Variants in CAMKV observed in about 807,000 individuals in gnomAD.
The protein encoded by CAMKV is caM kinase-like vesicle-associated protein.
In CAMKV, 5 loss-of-function variants were observed where a neutral mutation model predicts 50.2. The observed-to-expected ratio is 0.10, with a 90% CI of 0.05 to 0.21. The LOEUF (loss-of-function observed/expected upper bound fraction) is 0.21. CAMKV is among the 10% of genes least tolerant of loss of function. The pLI is 1.00. For synonymous variants in CAMKV, 229 were observed against 250.1 expected (o/e 0.92, Z 0.80); for missense variants, 361 against 650.5 (o/e 0.55, Z 4.84).
chr3:49,867,047 G>A (rs537771200), intron 1 of CAMKV, among the ~76,000 whole-genome samples: 1 of 152,328 alleles, frequency 6.6e-6, no homozygotes, highest in East Asian at 1.9e-4. Context: ...CTAATTTAGT[G>A]GCAGCTGTGA....
In CAMKV at chr3:49,859,135, C is replaced by G; in HGVS notation, c.*183G>C. ...GGCCCTGCCACTGGCCTGCCCACCA[C>G]TCACACACATACACACAGGAGACGA... On this transcript the variant is annotated 3_prime_UTR_variant, in exon 11 of 11. Transcript: ENST00000477224. The surrounding 1 kb of genome is among the most constrained non-coding windows in gnomAD (Gnocchi z 5.5). 1.9e-6 allele frequency: 1 copy of G among 528,458 alleles called. No homozygotes were observed. Among genetic ancestry groups the G allele is most frequent in the Non-Finnish European group, 3.2e-6 (1 of 310,136 alleles). 32.7% of individuals were successfully genotyped at this position (528,458 alleles called of 1,614,324 possible). A position where few individuals can be genotyped will look rare whatever the true frequency, so the allele number is the denominator to read the frequency against.
chr3:49,864,096 A>AT (rs201176692), intron 1 of CAMKV, among the ~76,000 whole-genome samples: 3,124 of 152,262 alleles, frequency 0.021, 68 homozygotes, highest in Middle Eastern at 0.1. Flanking sequence ...TTGTTTACTA[A>AT]TTTTCTGTGC....
Position 49,859,154 on chromosome 3 carries a change from G to C in CAMKV, c.*164C>G. On this transcript the variant is annotated 3_prime_UTR_variant, in exon 11 of 11. Transcript: ENST00000477224. This position sits in a 1 kb window ranked among gnomAD's most constrained non-coding sequence, Gnocchi z 5.5. ...CCACCACTCACACACATACACACAG[G>C]AGACGAGACTGCTCTCCCGTGACCC... The C allele has an allele frequency of 1.6e-6, 1 of 616,234 alleles. No homozygotes were observed. Among genetic ancestry groups the C allele is most frequent in the South Asian group, 2.4e-5 (1 of 41,598 alleles). The allele number at this position is 616,234 out of a possible 1,614,324, so 38.2% of individuals were successfully genotyped here.
rs1227447718 is a variant in CAMKV, at chr3:49,869,301, A to T, written c.-15+457T>A. 6.7e-6 allele frequency among the ~76,000 whole-genome samples: 1 copy of T among 150,138 alleles called. No homozygotes were observed. The highest frequency in any genetic ancestry group is 1.5e-5 in the Non-Finnish European group (1 of 67,498). ...CCAGGGGCTTGGAGCTTCCTCCCCCACCCCGCGGCAGCCCCGCCCAGCCCC... is the reference window on the plus strand; with the variant it reads ...CCAGGGGCTTGGAGCTTCCTCCCCCTCCCCGCGGCAGCCCCGCCCAGCCCC... On this transcript the variant is annotated intron_variant, in intron 1 of 10. Transcript: ENST00000477224. The surrounding 1 kb of genome is among the most constrained non-coding windows in gnomAD (Gnocchi z 5.2).
In CAMKV at chr3:49,859,987, C is replaced by T; in HGVS notation, c.943-106G>A. On this transcript the variant is annotated intron_variant, in intron 10 of 10. Coordinates refer to ENST00000477224, the MANE Select transcript of CAMKV (RefSeq NM_024046.5). The surrounding 1 kb of genome is among the most constrained non-coding windows in gnomAD (Gnocchi z 5.5). ...CCATAGTACCCCCGGCCACCTCCAT[C>T]CACCCCAGGGCCAAGTACTCAGCTG... is the stretch of plus-strand genomic sequence containing the variant. 3.4e-6 allele frequency: 4 copies of T among 1,174,702 alleles called. No homozygotes were observed. Among genetic ancestry groups the T allele is most frequent in the Non-Finnish European group, 4.7e-6 (4 of 850,736 alleles). 72.8% of individuals were successfully genotyped at this position (1,174,702 alleles called of 1,614,324 possible).
At position 49,858,681 on chromosome 3, in the gene CAMKV, G is replaced by A. The variant is rs1330998323; in HGVS notation, c.*637C>T. 1 of 254,142 alleles carries A rather than the reference G, an allele frequency of 3.9e-6. No homozygotes were observed. The highest frequency in any genetic ancestry group is 7.4e-6 in the Non-Finnish European group (1 of 134,790). The allele number at this position is 254,142 out of a possible 1,614,324, so 15.7% of individuals were successfully genotyped here. On this transcript the variant is annotated 3_prime_UTR_variant, in exon 11 of 11. Transcript: ENST00000477224. Reference sequence around the variant, plus strand: ...GGTCTTAGGAAGGACAAAAATGGAAGCTTCTGCCCTCCTACTCATTCTCTC... The same window carrying A: ...GGTCTTAGGAAGGACAAAAATGGAAACTTCTGCCCTCCTACTCATTCTCTC...
Position 49,860,456 on chromosome 3 carries a change from C to T in CAMKV, c.854+15G>A, listed in dbSNP as rs774315831. 9.3e-6 allele frequency: 15 copies of T among 1,612,378 alleles called. No individual in the cohort carries two copies. The Admixed American group carries it at 2.3e-4, about 25-fold the overall frequency. On this transcript the variant is annotated intron_variant, in intron 9 of 10. Coordinates refer to ENST00000477224, the MANE Select transcript of CAMKV (RefSeq NM_024046.5). This position sits in a 1 kb window ranked among gnomAD's most constrained non-coding sequence, Gnocchi z 6.1. Reference sequence around the variant, plus strand: ...GGACCCTGGCCTCTCCCACCCTCCCCTGGACCCTGCTCACCACTCATGGGA... The same window carrying T: ...GGACCCTGGCCTCTCCCACCCTCCCTTGGACCCTGCTCACCACTCATGGGA...
At chr3:49,864,416 C>G (rs766222475) in intron 1 of CAMKV, among the ~76,000 whole-genome samples, 5 of 152,186 alleles carry the variant, frequency 3.3e-5, no homozygotes, top group Non-Finnish European at 7.3e-5. Flanking sequence ...ACAGATATAG[C>G]TGGCTCAGTG....
In CAMKV at chr3:49,862,516, T is replaced by A; in HGVS notation, c.-14-114A>T. 1.2e-6 allele frequency: 1 copy of A among 841,526 alleles called. No individual in the cohort carries two copies. The highest frequency in any genetic ancestry group is 2.0e-6 in the Non-Finnish European group (1 of 503,552). 52.1% of individuals were successfully genotyped at this position (841,526 alleles called of 1,614,324 possible). ...CAGGCCAAGCTAGGGGCAGAGACCA[T>A]ACCAGGAGGGGCTAGAGGATAGGCA... On this transcript the variant is annotated intron_variant, in intron 1 of 10. Transcript: ENST00000477224. This position sits in a 1 kb window ranked among gnomAD's most constrained non-coding sequence, Gnocchi z 5.2.
Position 49,861,202 on chromosome 3 carries a change from G to A in CAMKV, c.540C>T (p.Pro180=). 1 of 1,612,668 alleles carries A rather than the reference G, an allele frequency of 6.2e-7. No individual in the cohort carries two copies. The highest frequency in any genetic ancestry group is 1.1e-5 in the South Asian group (1 of 91,020). Residue 180 remains proline, a synonymous_variant, in exon 6 of 11, where the codon CCC becomes CCT. Transcript: ENST00000477224. The surrounding 1 kb of genome is among the most constrained non-coding windows in gnomAD (Gnocchi z 7.7). ...AKLENGLIKE[P]CGTPEYLAPE... Reference sequence around the variant, plus strand: ...TGCCCAGATACTCGGGGGTCCCACAGGGCTCCTTGATGAGGCCATTTTCTA... The same window carrying A: ...TGCCCAGATACTCGGGGGTCCCACAAGGCTCCTTGATGAGGCCATTTTCTA...
At chr3:49,863,076 A>G (rs968856846) in intron 1 of CAMKV, among the ~76,000 whole-genome samples, 4 of 152,262 alleles carry the variant, frequency 2.6e-5, no homozygotes, top group African/African-American at 9.6e-5. Context: ...AGCAATGGAA[A>G]CAAAGGAGCT....
In CAMKV at chr3:49,861,769, G is replaced by C; in HGVS notation, c.302+22C>G. 1 of 1,612,740 alleles carries C rather than the reference G, an allele frequency of 6.2e-7. No homozygotes were observed. The highest frequency in any genetic ancestry group is 8.5e-7 in the Non-Finnish European group (1 of 1,179,040). On this transcript the variant is annotated intron_variant, in intron 4 of 10. Coordinates refer to ENST00000477224, the MANE Select transcript of CAMKV (RefSeq NM_024046.5). This position sits in a 1 kb window ranked among gnomAD's most constrained non-coding sequence, Gnocchi z 7.7. Reference sequence around the variant, plus strand: ...AAAGCCCTGGGCGCTGGGGAATCTTGGGTCCCCAGACCCACACTCACAGCT... The same window carrying C: ...AAAGCCCTGGGCGCTGGGGAATCTTCGGTCCCCAGACCCACACTCACAGCT...
At chr3:49,864,217 A>G (rs141352122) in intron 1 of CAMKV, among the ~76,000 whole-genome samples, 2,057 of 152,318 alleles carry the variant, frequency 0.014, 40 homozygotes, top group Middle Eastern at 0.051. Context: ...GAGGCAAGGT[A>G]AAGCTTTGGA....
At position 49,861,628 on chromosome 3, in the gene CAMKV, C is replaced by T. The variant is rs998851431; in HGVS notation, c.303-51G>A. 3.7e-6 allele frequency: 6 copies of T among 1,612,668 alleles called. No individual in the cohort carries two copies. The East Asian group carries it at 1.1e-4, about 30-fold the overall frequency. ...GGCGTGGGCAGAATCAGGGGTAGGG[C>T]AGGAGCACTTGGGTGAGCTGCCTAC... is the stretch of plus-strand genomic sequence containing the variant. On this transcript the variant is annotated intron_variant, in intron 4 of 10. Transcript: ENST00000477224. The surrounding 1 kb of genome is among the most constrained non-coding windows in gnomAD (Gnocchi z 7.7).
Position 49,861,028 on chromosome 3 carries a change from C to G in CAMKV, c.563-10G>C, listed in dbSNP as rs1182684186. ...CCTACCACCTCTGGGGCTACAAACA[C>G]AGCGCCCATCTGCTGGTCAGTATCA... On this transcript the variant is annotated splice_polypyrimidine_tract_variant and intron_variant, in intron 6 of 10. Transcript: ENST00000477224. The surrounding 1 kb of genome is among the most constrained non-coding windows in gnomAD (Gnocchi z 7.7). The G allele has an allele frequency of 1.2e-6, 2 of 1,613,944 alleles. No homozygotes were observed. Among genetic ancestry groups the G allele is most frequent in the African/African-American group, 2.7e-5 (2 of 74,912 alleles).
At chr3:49,863,414 TGGCTATTCATG>T (rs2082039871) in intron 1 of CAMKV, 2 of 152,048 alleles carry the variant, frequency 1.3e-5, no homozygotes, top group Non-Finnish European at 2.9e-5. Context: ...TGGAGTGCAG[TGGCTATTCATG>T]GGCACAAGCC....
In CAMKV at chr3:49,861,637, T is replaced by C; in HGVS notation, c.303-60A>G. 1.2e-6 allele frequency: 2 copies of C among 1,610,492 alleles called. No individual in the cohort carries two copies. Among genetic ancestry groups the C allele is most frequent in the East Asian group, 4.5e-5 (2 of 44,836 alleles). ...AGAATCAGGGGTAGGGCAGGAGCAC[T>C]TGGGTGAGCTGCCTACGCCAGGCAG... On this transcript the variant is annotated intron_variant, in intron 4 of 10. Transcript: ENST00000477224. The surrounding 1 kb of genome is among the most constrained non-coding windows in gnomAD (Gnocchi z 7.7).
At chr3:49,863,082 G>A (rs2082036798) in intron 1 of CAMKV, among the ~76,000 whole-genome samples, 1 of 152,202 alleles carries the variant, frequency 6.6e-6, no homozygotes, top group African/African-American at 2.4e-5. Flanking sequence ...GGAAACAAAG[G>A]AGCTACAGCT....
In CAMKV at chr3:49,862,432, G is replaced by A. The variant is rs929033471; in HGVS notation, c.-14-30C>T. ...GGGCACAATGGGGTCTGGCTTAGCT[G>A]TACTACTCTCCACTTCCCCACAACA... On this transcript the variant is annotated intron_variant, in intron 1 of 10. Transcript: ENST00000477224. This position sits in a 1 kb window ranked among gnomAD's most constrained non-coding sequence, Gnocchi z 5.2. 5 of 1,576,926 alleles carry A rather than the reference G, an allele frequency of 3.2e-6. No individual in the cohort carries two copies. The highest frequency in any genetic ancestry group is 3.3e-5 in the Admixed American group (2 of 59,968).
Sources: gnomAD v4.1 joint callset for allele counts (sites outside exome capture counted in the v4.1 genomes callset) on GRCh38, gnomAD v4.1.1 for gene constraint, Gnocchi (gnomAD v3.1) non-coding constraint, MANE v1.5 for transcripts, NCBI Gene and HGNC (gene_info 2026-07-23, HGNC 2026-07-21) for gene names.